THEM4: variants seen among roughly 807,000 people sequenced by gnomAD.
THEM4 encodes the protein acyl-coenzyme A thioesterase THEM4.
THEM4 carries 22 observed loss-of-function variants against 25.0 expected under a neutral mutation model. The observed-to-expected ratio is 0.88, with a 90% CI of 0.63 to 1.26. The LOEUF (loss-of-function observed/expected upper bound fraction) is 1.26, where lower values mean the gene tolerates loss of function less well. Among genes scored for constraint, THEM4 ranks in the 50% most tolerant of loss-of-function variants. The probability of loss-of-function intolerance (pLI) is 0.00; values close to 1 mark genes in which losing one functional copy is unlikely to be tolerated. For synonymous variants in THEM4, 113 were observed against 105.6 expected, an observed-to-expected ratio of 1.07 and a Z score of -0.43; for missense variants, 286 against 300.3, an observed-to-expected ratio of 0.95 and a Z score of 0.35.
chr1:151,903,398 C>G (rs1329329101), intron 1 of THEM4, among the ~76,000 whole-genome samples: 1 of 152,200 alleles, frequency 6.6e-6, no homozygotes, highest in Non-Finnish European at 1.5e-5. Flanking sequence ...TGTTCACTTT[C>G]TCCGTAATAT....
chr1:151,906,386 G>A (rs1467250649), intron 1 of THEM4, among the ~76,000 whole-genome samples: 7 of 152,364 alleles, frequency 4.6e-5, no homozygotes, highest in South Asian at 2.1e-4. Context: ...GGCAGGGCTC[G>A]GGACCTGCAG....
chr1:151,900,712 TAGAC>T (rs1243854144), intron 1 of THEM4, among the ~76,000 whole-genome samples: 5 of 151,362 alleles, frequency 3.3e-5, no homozygotes, highest in South Asian at 2.1e-4. Flanking sequence ...AGAAATGAGA[TAGAC>T]AGCAACAAAA....
chr1:151,876,674 C>G (rs1653686060), intron 5 of THEM4, among the ~76,000 whole-genome samples: 3 of 152,130 alleles, frequency 2.0e-5, no homozygotes, highest in Admixed American at 2.0e-4. Context: ...GTCTCGAACT[C>G]CTGGGCTCAA....
chr1:151,875,714 C>T (rs949369106), intron 5 of THEM4, among the ~76,000 whole-genome samples: 4 of 151,962 alleles, frequency 2.6e-5, no homozygotes, highest in South Asian at 2.1e-4. Context: ...AAGATCACAC[C>T]GAGAAGTCAT....
chr1:151,894,454 G>A (rs1055739392), intron 2 of THEM4, among the ~76,000 whole-genome samples: 1 of 152,156 alleles, frequency 6.6e-6, no homozygotes, highest in African/African-American at 2.4e-5. Flanking sequence ...GAAATTAGGG[G>A]TGGGGAGGGG....
chr1:151,879,097 A>G (rs1326318073), intron 4 of THEM4, among the ~76,000 whole-genome samples: 1 of 152,212 alleles, frequency 6.6e-6, no homozygotes, highest in African/African-American at 2.4e-5. Context: ...AATATTATGA[A>G]TAACTTTATG....
At chr1:151,878,913 C>CACAG (rs1653748255) in intron 4 of THEM4, among the ~76,000 whole-genome samples, 1 of 151,372 alleles carries the variant, frequency 6.6e-6, no homozygotes, top group Non-Finnish European at 1.5e-5. Context: ...CACACACACA[C>CACAG]ACACACACAC....
intron 1 of THEM4, among the ~76,000 whole-genome samples, chr1:151,908,386 G>GT (rs1173781292): frequency 6.6e-6 from 1 of 152,114 alleles, no homozygotes; most frequent in East Asian, 1.9e-4. Context: ...GCATAGCTTC[G>GT]TTTAGCCCGG....
rs199784471 is a variant in THEM4 at position 151,889,301 on chromosome 1, C to T, written c.359G>A (p.Gly120Asp). Residue 120 changes from glycine to aspartate, a missense_variant, in exon 3 of 6, where the codon GGC becomes GAC. Transcript: ENST00000368814. Reference sequence around the variant, plus strand: ...ATTGTAGAACATCACGTATTCAAAGCCCAGGCCATCATCAAAGCTTCTGGT... The same window carrying T: ...ATTGTAGAACATCACGTATTCAAAGTCCAGGCCATCATCAAAGCTTCTGGT... ...LFTRSFDDGL[G>D]FEYVMFYNDI... 3.7e-6 allele frequency: 6 copies of T among 1,613,888 alleles called. No homozygotes were observed. Among genetic ancestry groups the T allele is most frequent in the South Asian group, 1.1e-5 (1 of 91,076 alleles).
intron 1 of THEM4, among the ~76,000 whole-genome samples, chr1:151,906,491 C>T (rs1354224186): frequency 6.6e-6 from 1 of 152,240 alleles, no homozygotes; most frequent in Non-Finnish European, 1.5e-5. Context: ...GCGCCCAGTC[C>T]CATCGAGCAC....
chr1:151,909,363 C>G lies in THEM4; in HGVS notation c.96G>C (p.Glu32Asp), dbSNP rs552104788. Residue 32 changes from glutamate (E) to aspartate (D), a missense_variant, in exon 1 of 6, where the codon GAG becomes GAC. Transcript: ENST00000368814. ...GCCCGAGGGTGCCCAGACTCACCAG[C>G]TCGGGTCGCGGCTCGCTTCCCGGCA... ...RRLPGSEPRP[E>D]LRSFSSEEVI... 2.7e-4 allele frequency: 407 copies of G among 1,512,150 alleles called. 3 individuals are homozygous for G. The South Asian group carries it at 3.3e-3, about 12-fold the overall frequency. The allele number at this position is 1,512,150 out of a possible 1,614,324, so 93.7% of individuals were successfully genotyped here.
intron 1 of THEM4, among the ~76,000 whole-genome samples, chr1:151,901,735 C>T (rs908614929): frequency 2.0e-5 from 3 of 152,116 alleles, no homozygotes; most frequent in Non-Finnish European, 2.9e-5. Flanking sequence ...CCCAGCTACT[C>T]AGGAGACCGA....
chr1:151,899,039 C>G (rs1654286985), intron 1 of THEM4, among the ~76,000 whole-genome samples: 1 of 152,166 alleles, frequency 6.6e-6, no homozygotes, highest in African/African-American at 2.4e-5. Flanking sequence ...CTTGTCGACA[C>G]CCCCCAAAAA....
chr1:151,883,639 ATT>A (rs201272659), intron 4 of THEM4, among the ~76,000 whole-genome samples: 3 of 141,712 alleles, frequency 2.1e-5, no homozygotes, highest in Non-Finnish European at 3.1e-5. Context: ...TTAATTGTGC[ATT>A]TTTTTTTTTT....
intron 1 of THEM4, among the ~76,000 whole-genome samples, chr1:151,905,904 T>C (rs539863934): frequency 2.6e-5 from 4 of 152,362 alleles, no homozygotes; most frequent in African/African-American, 4.8e-5. Flanking sequence ...AAGGCTCTTT[T>C]GAGCAAGCCT....
chr1:151,894,938 A>T, intron 2 of THEM4, 70 bp downstream of exon 2: 1 of 1,474,226 alleles, frequency 6.8e-7, no homozygotes, highest in Non-Finnish European at 9.5e-7. Flanking sequence ...GGTAGTAACT[A>T]GTACTTCAAT....
chr1:151,900,710 G>T (rs1336623715), intron 1 of THEM4, among the ~76,000 whole-genome samples: 1 of 152,070 alleles, frequency 6.6e-6, no homozygotes, highest in Non-Finnish European at 1.5e-5. Flanking sequence ...TAAGAAATGA[G>T]ATAGACAGCA....
Position 151,874,704 on chromosome 1 carries a change from A to G in THEM4, c.*184T>C, listed in dbSNP as rs10749666. ...AGTTGTCGATATGCTCGCAGGAAGTATTTCTGTGTTAAAAAGTTGAGAAGA... is the reference window on the plus strand; with the variant it reads ...AGTTGTCGATATGCTCGCAGGAAGTGTTTCTGTGTTAAAAAGTTGAGAAGA... On this transcript the variant is annotated 3_prime_UTR_variant, in exon 6 of 6. Transcript: ENST00000368814. 623,608 of 677,840 alleles carry G rather than the reference A, an allele frequency of 0.92. 286,924 individuals are homozygous for G. Among genetic ancestry groups the G allele is most frequent in the East Asian group, 0.93 (37,217 of 39,986 alleles). The allele number at this position is 677,840 out of a possible 1,614,324, so 42.0% of individuals were successfully genotyped here.
chr1:151,888,623 G>A (rs747055832), intron 3 of THEM4, among the ~76,000 whole-genome samples: 2 of 152,062 alleles, frequency 1.3e-5, no homozygotes, highest in Admixed American at 6.5e-5. Context: ...TAACCAGATC[G>A]CAAGCAAGCA....
Sources: allele counts gnomAD v4.1 joint callset (sites outside exome capture counted in the v4.1 genomes callset), GRCh38; gene constraint gnomAD v4.1.1; transcripts MANE v1.5; gene names NCBI Gene and HGNC (gene_info 2026-07-23, HGNC 2026-07-21).